Variants in ARHGAP44 observed in about 807,000 individuals in gnomAD.
ARHGAP44 encodes rho GTPase-activating protein 44.
A neutral mutation model predicts 106.8 loss-of-function variants in ARHGAP44; 43 were observed. The ratio of observed to expected loss-of-function variants is 0.40; its 90% confidence interval spans 0.32 to 0.52. ARHGAP44 has a LOEUF of 0.52. ARHGAP44 is among the 20% of genes least tolerant of loss of function. The pLI, the probability that ARHGAP44 is intolerant of heterozygous loss-of-function variation, is 0.48. For synonymous variants in ARHGAP44, 439 were observed against 410.3 expected (o/e 1.07, Z -0.85); for missense variants, 866 against 1,050.5 (o/e 0.82, Z 2.43).
Position 12,919,483 on chromosome 17 carries a change from T to C in ARHGAP44, c.388-272T>C, listed in dbSNP as rs200582869. Among the ~76,000 whole-genome samples, 5 of 150,612 alleles carry C rather than the reference T, an allele frequency of 3.3e-5. No homozygotes were observed. In the East Asian group the frequency reaches 9.9e-4, roughly 30 times the overall value. On this transcript the variant is annotated intron_variant, in intron 5 of 20. Coordinates refer to ENST00000379672, the MANE Select transcript of ARHGAP44 (RefSeq NM_014859.6). ...TCACTGCAACCTTTGCCTCCTGGGT[T>C]CAAGTGATTCTTCTGCCTCAGACTC...
chr17:12,880,883 C>G (rs1275803025), intron 1 of ARHGAP44, among the ~76,000 whole-genome samples: 1 of 152,128 alleles, frequency 6.6e-6, no homozygotes, highest in African/African-American at 2.4e-5. Flanking sequence ...CCCATTACTC[C>G]ATATCTCCAC....
intron 4 of ARHGAP44, among the ~76,000 whole-genome samples, chr17:12,911,650 A>G (rs2037741595): frequency 6.6e-6 from 1 of 152,184 alleles, no homozygotes; most frequent in South Asian, 2.1e-4. Context: ...CCACATGTCT[A>G]GGAACCTGTC....
chr17:12,880,300 T>C (rs2036686861), intron 1 of ARHGAP44, among the ~76,000 whole-genome samples: 2 of 152,140 alleles, frequency 1.3e-5, no homozygotes, highest in South Asian at 4.1e-4. Flanking sequence ...ACATTACCAA[T>C]TCTATGGAAG....
rs2038228366 is a variant in ARHGAP44, at chr17:12,926,355, A to G, written c.465-2574A>G. 3.4e-5 allele frequency among the ~76,000 whole-genome samples: 5 copies of G among 148,706 alleles called. No homozygotes were observed. The South Asian group carries it at 1.0e-3, about 31-fold the overall frequency. ...ACTCCAGCCTGGGTGACAGAGCGAG[A>G]CTTGATATGAAAAAAAAATTATATA... On this transcript the variant is annotated intron_variant, in intron 6 of 20. Transcript: ENST00000379672.
rs1024340208 is a variant in ARHGAP44, at chr17:12,855,761, A to G, written c.54-39179A>G. On this transcript the variant is annotated intron_variant, in intron 1 of 20. Coordinates refer to ENST00000379672, the MANE Select transcript of ARHGAP44 (RefSeq NM_014859.6). ...CAATTAAGTGAGCGATTAATGTTGAAGATTTGAGAAACACTTGTGTGATGA... is the reference window on the plus strand; with the variant it reads ...CAATTAAGTGAGCGATTAATGTTGAGGATTTGAGAAACACTTGTGTGATGA... Among the ~76,000 whole-genome samples, 25 of 152,316 alleles carry G rather than the reference A, an allele frequency of 1.6e-4. No individual in the cohort carries two copies. The East Asian group carries it at 4.2e-3, about 26-fold the overall frequency.
At chr17:12,973,658 G>A in intron 17 of ARHGAP44, 1 of 472,928 alleles carries the variant, frequency 2.1e-6, no homozygotes, top group African/African-American at 2.1e-5. Flanking sequence ...TCCCCCCTTC[G>A]CTGCCCCTCC....
At chr17:12,913,524 T>C (rs2037801620) in intron 4 of ARHGAP44, among the ~76,000 whole-genome samples, 2 of 152,222 alleles carry the variant, frequency 1.3e-5, no homozygotes, top group Admixed American at 6.5e-5. Context: ...GAAACATAGC[T>C]AAATTCTCAT....
intron 1 of ARHGAP44, among the ~76,000 whole-genome samples, chr17:12,793,880 C>A (rs2033841029): frequency 6.6e-6 from 1 of 152,174 alleles, no homozygotes; most frequent in South Asian, 2.1e-4. Flanking sequence ...CTCTGTCATT[C>A]TTTGGCAATG....
At chr17:12,796,136 A>ATATCTATCTATCTATCTATCTATCTATC (rs67730348) in intron 1 of ARHGAP44, among the ~76,000 whole-genome samples, 1 of 150,206 alleles carries the variant, frequency 6.7e-6, no homozygotes, top group African/African-American at 2.5e-5. Flanking sequence ...TTTGAGAAGT[A>ATATCTATCTATCTATCTATCTATCTATC]TATCTATCTA....
In ARHGAP44 at chr17:12,862,494, A is replaced by G. The variant is rs1318352795; in HGVS notation, c.54-32446A>G. 2.0e-5 allele frequency among the ~76,000 whole-genome samples: 3 copies of G among 152,164 alleles called. No homozygotes were observed. The East Asian group carries it at 5.8e-4, about 29-fold the overall frequency. ...CCTTTTATCAAAAACATCTGCATTG[A>G]TGACCCACAGACAGAGTGTCATGGT... On this transcript the variant is annotated intron_variant, in intron 1 of 20. Coordinates refer to ENST00000379672, the MANE Select transcript of ARHGAP44 (RefSeq NM_014859.6).
chr17:12,978,477 A>G (rs541062075), intron 18 of ARHGAP44, among the ~76,000 whole-genome samples: 153 of 152,292 alleles, frequency 1.0e-3, no homozygotes, highest in Middle Eastern at 3.4e-3. Flanking sequence ...ATTGAATGTG[A>G]TCTTCCTTTT....
chr17:12,882,147 T>A (rs1474463740), intron 1 of ARHGAP44, among the ~76,000 whole-genome samples: 1 of 152,198 alleles, frequency 6.6e-6, no homozygotes, highest in Non-Finnish European at 1.5e-5. Flanking sequence ...ATCTCTCCAT[T>A]TACCTGACTT....
chr17:12,926,988 A>G (rs942280269), intron 6 of ARHGAP44, among the ~76,000 whole-genome samples: 1 of 152,182 alleles, frequency 6.6e-6, no homozygotes, highest in Admixed American at 6.5e-5. Context: ...ATTTGAAATG[A>G]TTCAACTGGG....
At position 12,944,203 on chromosome 17, in the gene ARHGAP44, C is replaced by T. The variant is rs747496712; in HGVS notation, c.861+7C>T. ...GTGTGGGATGCAGGAGGAGGTAGGTCTGAGCACAGCCACACGCCGCCCCGG... is the reference window on the plus strand; with the variant it reads ...GTGTGGGATGCAGGAGGAGGTAGGTTTGAGCACAGCCACACGCCGCCCCGG... On this transcript the variant is annotated splice_region_variant and intron_variant, in intron 10 of 20. Coordinates refer to ENST00000379672, the MANE Select transcript of ARHGAP44 (RefSeq NM_014859.6). The T allele has an allele frequency of 6.3e-7, 1 of 1,599,012 alleles. No homozygotes were observed. Among genetic ancestry groups the T allele is most frequent in the Non-Finnish European group, 8.5e-7 (1 of 1,171,874 alleles).
intron 1 of ARHGAP44, among the ~76,000 whole-genome samples, chr17:12,819,885 GT>G (rs1400511834): frequency 6.6e-6 from 1 of 152,000 alleles, no homozygotes; most frequent in African/African-American, 2.4e-5. Flanking sequence ...TTTTCTTGAT[GT>G]CTTTATGAAC....
At chr17:12,987,366 A>AG (rs2039987287) in intron 20 of ARHGAP44, 1 of 474,434 alleles carries the variant, frequency 2.1e-6, no homozygotes, top group Admixed American at 3.8e-5. Context: ...TTTCATTAGG[A>AG]GGAGCTGGGG....
At chr17:12,855,938 C>T (rs1285835733) in intron 1 of ARHGAP44, among the ~76,000 whole-genome samples, 2 of 152,150 alleles carry the variant, frequency 1.3e-5, no homozygotes, top group Non-Finnish European at 2.9e-5. Context: ...CCAGGTAAGG[C>T]CCTGGATTGC....
chr17:12,926,886 A>G (rs2038263953), intron 6 of ARHGAP44, among the ~76,000 whole-genome samples: 1 of 152,050 alleles, frequency 6.6e-6, no homozygotes, highest in Non-Finnish European at 1.5e-5. Flanking sequence ...TCCATAATCT[A>G]CCATTGTGTT....
In ARHGAP44 at chr17:12,880,196, T is replaced by A. The variant is rs531153115; in HGVS notation, c.54-14744T>A. ...TTTGTTTTTGTTAATTTTCATATTATTTATTTGATGCATAGATTCCATATG... is the reference window on the plus strand; with the variant it reads ...TTTGTTTTTGTTAATTTTCATATTAATTATTTGATGCATAGATTCCATATG... On this transcript the variant is annotated intron_variant, in intron 1 of 20. Coordinates refer to ENST00000379672, the MANE Select transcript of ARHGAP44 (RefSeq NM_014859.6). 3.5e-3 allele frequency among the ~76,000 whole-genome samples: 528 copies of A among 152,266 alleles called. 8 individuals are homozygous for A. The highest frequency in any genetic ancestry group is 0.012 in the African/African-American group (483 of 41,558).
Sources: gnomAD v4.1 joint callset for allele counts (sites outside exome capture counted in the v4.1 genomes callset) on GRCh38, gnomAD v4.1.1 for gene constraint, MANE v1.5 for transcripts, NCBI Gene and HGNC (gene_info 2026-07-23, HGNC 2026-07-21) for gene names.